The following CACNA1B variants were observed in gnomAD, a reference collection of about 807,000 sequenced individuals.
CACNA1B encodes the protein calcium voltage-gated channel subunit alpha1 B, also known as voltage-dependent N-type calcium channel subunit alpha-1B.
In CACNA1B, 70 loss-of-function variants were observed where a neutral mutation model predicts 247.2. The observed-to-expected ratio is 0.28, with a 90% confidence interval of 0.23 to 0.35. CACNA1B has a LOEUF of 0.35. CACNA1B is among the 10% of genes least tolerant of loss of function. The probability of loss-of-function intolerance (pLI) is 1.00; values close to 1 mark genes in which losing one functional copy is unlikely to be tolerated. For missense variants in CACNA1B, 2,367 were observed against 3,197.4 expected (o/e 0.74, Z 6.26); for synonymous variants, 1,231 against 1,294.4 (o/e 0.95, Z 1.05).
Position 138,057,186 on chromosome 9 carries a change from C to T in CACNA1B, c.3969-546C>T, listed in dbSNP as rs1199595852. 6.6e-6 allele frequency among the ~76,000 whole-genome samples: 1 copy of T among 152,168 alleles called. No individual in the cohort carries two copies. The highest frequency in any genetic ancestry group is 1.5e-5 in the Non-Finnish European group (1 of 68,044). ...TCTCCTGACCTCGTGATCCGCCCGC[C>T]TCGGCCTCCCAAAGTGCTGGGATTA... On this transcript the variant is annotated intron_variant, in intron 26 of 46. Transcript: ENST00000371372. The surrounding 1 kb of genome is among the most constrained non-coding windows in gnomAD (Gnocchi z 4.0).
Position 137,880,363 on chromosome 9 carries a change from G to A in CACNA1B, c.390+1204G>A, listed in dbSNP as rs1037434675. Reference sequence around the variant, plus strand: ...GGCGTGAGTCATGGTCCCTGTGGGGGACTTGGGCAGGACCCTGGTGGGGCC... The same window carrying A: ...GGCGTGAGTCATGGTCCCTGTGGGGAACTTGGGCAGGACCCTGGTGGGGCC... On this transcript the variant is annotated intron_variant, in intron 2 of 46. Transcript: ENST00000371372. The surrounding 1 kb of genome is among the most constrained non-coding windows in gnomAD (Gnocchi z 4.8). 2.6e-5 allele frequency among the ~76,000 whole-genome samples: 4 copies of A among 152,228 alleles called. No individual in the cohort carries two copies. Among genetic ancestry groups the A allele is most frequent in the African/African-American group, 9.6e-5 (4 of 41,456 alleles).
At chr9:138,103,767 C>T (rs1961333255) in intron 38 of CACNA1B, among the ~76,000 whole-genome samples, 1 of 152,356 alleles carries the variant, frequency 6.6e-6, no homozygotes. Context: ...GAAGACTTTC[C>T]TGAGTCTGTC....
chr9:137,993,291 A>C (rs1340847378), intron 15 of CACNA1B, among the ~76,000 whole-genome samples: 1 of 152,068 alleles, frequency 6.6e-6, no homozygotes. Context: ...TTTAGTTAAA[A>C]TTTTTATTTT....
intron 20 of CACNA1B, among the ~76,000 whole-genome samples, chr9:138,030,229 T>A (rs2133449428): frequency 6.6e-6 from 1 of 152,228 alleles, no homozygotes; most frequent in Admixed American, 6.5e-5. Context: ...TTTTGTTTTG[T>A]TTTGTTTTTT....
chr9:138,070,641 A>G (rs1960095177), intron 32 of CACNA1B, among the ~76,000 whole-genome samples: 1 of 152,246 alleles, frequency 6.6e-6, no homozygotes, highest in Non-Finnish European at 1.5e-5. Context: ...CAGAAGAGCT[A>G]GCGTTTTGAG....
rs1042430553 is a variant in CACNA1B, at chr9:138,050,333, C to T, written c.3710+1018C>T. On this transcript the variant is annotated intron_variant, in intron 24 of 46. Coordinates refer to ENST00000371372, the MANE Select transcript of CACNA1B (RefSeq NM_000718.4). This position sits in a 1 kb window ranked among gnomAD's most constrained non-coding sequence, Gnocchi z 5.2. ...GAGCTTGCTGGTGAGCAGGCTGTCA[C>T]CAGCGAGGGCTGGAGGCTGGGGCCA... Among the ~76,000 whole-genome samples the T allele has an allele frequency of 2.0e-5, 3 of 152,170 alleles. No homozygotes were observed. Among genetic ancestry groups the T allele is most frequent in the African/African-American group, 7.2e-5 (3 of 41,446 alleles).
intron 26 of CACNA1B, among the ~76,000 whole-genome samples, chr9:138,056,380 T>C (rs1313988081): frequency 6.6e-6 from 1 of 152,202 alleles, no homozygotes; most frequent in Non-Finnish European, 1.5e-5. Context: ...TGTTTTCAGG[T>C]TTGTCCACGC....
rs1407550818 is a variant in CACNA1B at position 138,120,659 on chromosome 9, GC to G, written c.6272del (p.Pro2091ArgfsTer78). 2.7e-6 allele frequency: 4 copies of G among 1,506,646 alleles called. No homozygotes were observed. The highest frequency in any genetic ancestry group is 2.6e-5 in the Admixed American group (1 of 37,996). 93.3% of individuals were successfully genotyped at this position (1,506,646 alleles called of 1,614,324 possible). Reference protein sequence around the residue: ...APSSAVGPGLPPGEGPTGCRR... With the variant: ...APSSAVGPGLXPGEGPTGCRR... ...CAAGCAGTGCTGTGGGGCCGGGGCT[GC>G]CCCCGGGAGAGGGGCCTACAGGCTG... On this transcript the variant is annotated frameshift_variant, in exon 46 of 47. Coordinates refer to ENST00000371372, the MANE Select transcript of CACNA1B (RefSeq NM_000718.4). LOFTEE classifies it high-confidence loss of function.
chr9:138,053,566 T>C (rs1959372571), intron 25 of CACNA1B, among the ~76,000 whole-genome samples: 1 of 151,768 alleles, frequency 6.6e-6, no homozygotes, highest in African/African-American at 2.4e-5. Context: ...CTCCACCTCT[T>C]GTCATGGCTC....
At chr9:138,082,895 A>G (rs141405423) in intron 36 of CACNA1B, among the ~76,000 whole-genome samples, 4 of 151,220 alleles carry the variant, frequency 2.6e-5, no homozygotes, top group Non-Finnish European at 5.9e-5. Context: ...TGGGATGGCC[A>G]CTTAGAGAAT....
At chr9:138,105,625 C>A in intron 38 of CACNA1B, 74 bp from the exon 39 acceptor site, 1 of 794,782 alleles carries the variant, frequency 1.3e-6, no homozygotes, top group Admixed American at 2.0e-5. Flanking sequence ...ATCCAGGGAC[C>A]CCATCATTGC....
At chr9:137,967,614 C>T (rs1461611645) in intron 10 of CACNA1B, among the ~76,000 whole-genome samples, 2 of 152,218 alleles carry the variant, frequency 1.3e-5, no homozygotes, top group African/African-American at 4.8e-5. Flanking sequence ...GCTGACTCTT[C>T]GAGTTCCTGT....
rs566084897 is a variant in CACNA1B, at chr9:138,022,823, G to A, written c.2268-188G>A. Among the ~76,000 whole-genome samples the A allele has an allele frequency of 1.0e-3, 152 of 152,114 alleles. 1 individual carries two copies. The highest frequency in any genetic ancestry group is 1.7e-3 in the Non-Finnish European group (118 of 67,902). On this transcript the variant is annotated intron_variant, in intron 18 of 46. Transcript: ENST00000371372. ...GACACCGTGGGGGGGGGGGGCGGCG[G>A]GGCTGAATTCGGTTCCCTTGGGCGT...
intron 12 of CACNA1B, among the ~76,000 whole-genome samples, chr9:137,976,401 A>G (rs891711890): frequency 1.3e-5 from 2 of 152,342 alleles, no homozygotes; most frequent in South Asian, 4.1e-4. Context: ...GCTTGGGTAC[A>G]TCCACCAGCA....
chr9:137,979,753 G>A (rs1958272373), intron 12 of CACNA1B, among the ~76,000 whole-genome samples: 1 of 152,214 alleles, frequency 6.6e-6, no homozygotes, highest in African/African-American at 2.4e-5. Flanking sequence ...CCAGGTGTGG[G>A]TGAGACTCCT....
intron 36 of CACNA1B, among the ~76,000 whole-genome samples, chr9:138,092,286 C>T (rs1362514159): frequency 5.3e-5 from 8 of 152,210 alleles, no homozygotes; most frequent in African/African-American, 1.9e-4. Flanking sequence ...TATTTCATCC[C>T]TGGTCGTCAA....
At position 137,917,423 on chromosome 9, in the gene CACNA1B, C is replaced by T. The variant is rs1957424355; in HGVS notation, c.958C>T (p.Leu320Phe). 6.2e-7 allele frequency: 1 copy of T among 1,613,444 alleles called. No homozygotes were observed. Among genetic ancestry groups the T allele is most frequent in the Non-Finnish European group, 8.5e-7 (1 of 1,179,514 alleles). The part of the protein sequence containing the change: ...CITMEGWTDI[L>F]YNTNDAAGNT... ...CACCATGGAGGGCTGGACTGACATCCTCTATAATGTGAGTGGCGTCTTGGC... is the reference window on the plus strand; with the variant it reads ...CACCATGGAGGGCTGGACTGACATCTTCTATAATGTGAGTGGCGTCTTGGC... Residue 320 changes from leucine (L) to phenylalanine (F), a missense_variant, in exon 6 of 47, where the codon CTC (leucine) becomes TTC (phenylalanine). Transcript: ENST00000371372. The surrounding 1 kb of genome is among the most constrained non-coding windows in gnomAD (Gnocchi z 5.5).
In CACNA1B at chr9:138,052,229, T is replaced by C. The variant is rs542490041; in HGVS notation, c.3807+41T>C. On this transcript the variant is annotated intron_variant, in intron 25 of 46. Coordinates refer to ENST00000371372, the MANE Select transcript of CACNA1B (RefSeq NM_000718.4). The surrounding 1 kb of genome is among the most constrained non-coding windows in gnomAD (Gnocchi z 5.1). ...TGGGGCTTGAGGGATGTGCTGTGTG[T>C]GTGTGCGTGTGTGTGTGTGCGTGTG... is the stretch of plus-strand genomic sequence containing the variant. 6.9e-5 allele frequency: 71 copies of C among 1,031,398 alleles called. No individual in the cohort carries two copies. In the East Asian group the frequency reaches 1.8e-3, roughly 26 times the overall value. The allele number at this position is 1,031,398 out of a possible 1,614,324, so 63.9% of individuals were successfully genotyped here. A position where few individuals can be genotyped will look rare whatever the true frequency, so the allele number is the denominator to read the frequency against.
chr9:137,969,594 G>A (rs1313835284), intron 10 of CACNA1B, among the ~76,000 whole-genome samples: 2 of 152,132 alleles, frequency 1.3e-5, no homozygotes, highest in African/African-American at 4.8e-5. Flanking sequence ...CATGAGTCAC[G>A]TGTTCTCTTT....
Sources: gnomAD v4.1 joint callset for allele counts (sites outside exome capture counted in the v4.1 genomes callset) on GRCh38, gnomAD v4.1.1 for gene constraint, Gnocchi (gnomAD v3.1) non-coding constraint, MANE v1.5 for transcripts, NCBI Gene and HGNC (gene_info 2026-07-23, HGNC 2026-07-21) for gene names.